Variants in CABS1 observed in about 807,000 individuals in gnomAD.
The protein encoded by CABS1 is calcium-binding and spermatid-specific protein 1.
For synonymous variants in CABS1, 195 were observed against 169.0 expected, an observed-to-expected ratio of 1.15 and a Z score of -1.19; for missense variants, 500 against 464.3, an observed-to-expected ratio of 1.08 and a Z score of -0.71.
Position 70,335,972 on chromosome 4 carries a change from T to C in CABS1, c.933T>C (p.Ser311=), listed in dbSNP as rs1192931684. ...RDTANEAETH[S]VLLTAVESRY... ...CTGCAAATGAAGCAGAGACCCATTC[T>C]GTTTTGCTTACTGCTGTTGAATCCA... The change falls in exon 1 of 2, where the codon TCT becomes TCC. Residue 311 remains serine, a synonymous_variant. Transcript: ENST00000273936. 2 of 1,613,606 alleles carry C rather than the reference T, an allele frequency of 1.2e-6. No homozygotes were observed. Among genetic ancestry groups the C allele is most frequent in the Admixed American group, 1.7e-5 (1 of 59,952 alleles).
rs1560515407 is a variant in CABS1, at chr4:70,335,049, G to A, written c.10G>A (p.Asp4Asn). Residue 4 changes from aspartate (D) to asparagine (N), a missense_variant, in exon 1 of 2, where the codon GAT (aspartate) becomes AAT (asparagine). Coordinates refer to ENST00000273936, the MANE Select transcript of CABS1 (RefSeq NM_033122.4). MAE[D>N]GLPKIYSHPP... ...AGTGCCACTTCGCCCCATGGCTGAAGATGGTTTGCCCAAAATTTATTCTCA... is the reference window on the plus strand; with the variant it reads ...AGTGCCACTTCGCCCCATGGCTGAAAATGGTTTGCCCAAAATTTATTCTCA... 6.2e-7 allele frequency: 1 copy of A among 1,612,370 alleles called. No homozygotes were observed. The highest frequency in any genetic ancestry group is 1.7e-5 in the Admixed American group (1 of 59,800).
chr4:70,335,216 T>C lies in CABS1; in HGVS notation c.177T>C (p.Asp59=), dbSNP rs148379126. 6.2e-7 allele frequency: 1 copy of C among 1,613,562 alleles called. No individual in the cohort carries two copies. The highest frequency in any genetic ancestry group is 8.5e-7 in the Non-Finnish European group (1 of 1,179,836). Residue 59 remains aspartate (D), a synonymous_variant, in exon 1 of 2, where the codon GAT becomes GAC. Transcript: ENST00000273936. The stretch of plus-strand genomic sequence containing the variant: ...TAAATGAATATATGCTAGAAAGCGA[T>C]TTTTCAACAACTACAGACAACAAAC... ...TSVNEYMLES[D]FSTTTDNKLT...
Position 70,335,160 on chromosome 4 carries a change from A to C in CABS1, c.121A>C (p.Ile41Leu). 2 of 1,613,846 alleles carry C rather than the reference A, an allele frequency of 1.2e-6. No homozygotes were observed. The highest frequency in any genetic ancestry group is 8.5e-7 in the Non-Finnish European group (1 of 1,179,846). The change falls in exon 1 of 2, where the codon ATT becomes CTT. Residue 41 changes from isoleucine (I) to leucine (L), a missense_variant. Ile to Leu is a conservative substitution (Grantham distance 5, BLOSUM62 2). Coordinates refer to ENST00000273936, the MANE Select transcript of CABS1 (RefSeq NM_033122.4). Reference sequence around the variant, plus strand: ...TGCTATTCCCAAATCAGAAACAACTATTACTTCAGAAGGAGACCACGTCAC... The same window carrying C: ...TGCTATTCCCAAATCAGAAACAACTCTTACTTCAGAAGGAGACCACGTCAC... ...DNAIPKSETT[I>L]TSEGDHVTSV...
rs751300088 is a variant in CABS1, at chr4:70,335,305, C to G, written c.266C>G (p.Thr89Arg). 2.5e-6 allele frequency: 4 copies of G among 1,613,778 alleles called. No homozygotes were observed. The Admixed American group carries it at 6.7e-5, about 27-fold the overall frequency. ...ATGGGGACCGACTTTATTAAGTCAA[C>G]AACTCACCTACAGAAAGAAATTACC... ...DDMGTDFIKSTTHLQKEITSL... is the reference protein window; with the variant it reads ...DDMGTDFIKSRTHLQKEITSL... The change falls in exon 1 of 2, where the codon ACA becomes AGA. Residue 89 changes from threonine (T) to arginine (R), a missense_variant. Coordinates refer to ENST00000273936, the MANE Select transcript of CABS1 (RefSeq NM_033122.4).
Position 70,335,443 on chromosome 4 carries a change from T to C in CABS1, c.404T>C (p.Phe135Ser), listed in dbSNP as rs1731700060. The change falls in exon 1 of 2, where the codon TTT (phenylalanine) becomes TCT (serine). Residue 135 changes from phenylalanine (F) to serine (S), a missense_variant. Physicochemically the swap from Phe to Ser is radical, Grantham distance 155. Coordinates refer to ENST00000273936, the MANE Select transcript of CABS1 (RefSeq NM_033122.4). ...GTTACTACTGTTTCTTTAATAGATTTTTCCACTGACATAGCAAAAGAAGAT... is the reference window on the plus strand; with the variant it reads ...GTTACTACTGTTTCTTTAATAGATTCTTCCACTGACATAGCAAAAGAAGAT... ...SPVTTVSLID[F>S]STDIAKEDIL... The C allele has an allele frequency of 2.5e-6, 4 of 1,613,622 alleles. No homozygotes were observed. Among genetic ancestry groups the C allele is most frequent in the Non-Finnish European group, 3.4e-6 (4 of 1,179,840 alleles).
intron 1 of CABS1, among the ~76,000 whole-genome samples, chr4:70,336,619 G>T (rs879738052): frequency 6.8e-6 from 1 of 147,300 alleles, no homozygotes; most frequent in East Asian, 1.9e-4. Flanking sequence ...AGGATATGAA[G>T]AGAAGCAAAT....
Position 70,335,573 on chromosome 4 carries a change from C to A in CABS1, c.534C>A (p.Ala178=). Residue 178 remains alanine, a synonymous_variant, in exon 1 of 2, where the codon GCC becomes GCA. Transcript: ENST00000273936. ...GTGCTGGTGTTGCTGACGCTCCTGC[C>A]TTTCCACGTAAAAAGGATGAAGCTG... is the stretch of plus-strand genomic sequence containing the variant. ...DSSAGVADAP[A]FPRKKDEADM... 6.2e-7 allele frequency: 1 copy of A among 1,613,598 alleles called. No individual in the cohort carries two copies. The highest frequency in any genetic ancestry group is 8.5e-7 in the Non-Finnish European group (1 of 1,179,770).
At position 70,336,190 on chromosome 4, in the gene CABS1, A is replaced by G. The variant is rs754706316; in HGVS notation, c.1151A>G (p.Glu384Gly). 6.2e-7 allele frequency: 1 copy of G among 1,612,130 alleles called. No individual in the cohort carries two copies. Among genetic ancestry groups the G allele is most frequent in the East Asian group, 2.2e-5 (1 of 44,828 alleles). Residue 384 changes from glutamate (E) to glycine (G), a missense_variant, in exon 1 of 2, where the codon GAA (glutamate) becomes GGA (glycine). Coordinates refer to ENST00000273936, the MANE Select transcript of CABS1 (RefSeq NM_033122.4). ...TCCACAACTGAAACGGATATCTTTGAACTACTGAAAGAAGAACCCGATGAG... is the reference window on the plus strand; with the variant it reads ...TCCACAACTGAAACGGATATCTTTGGACTACTGAAAGAAGAACCCGATGAG... ...DTSTTETDIF[E>G]LLKEEPDEFM...
intron 1 of CABS1, among the ~76,000 whole-genome samples, chr4:70,336,548 A>G (rs1197181193): frequency 6.6e-6 from 1 of 151,992 alleles, no homozygotes; most frequent in Non-Finnish European, 1.5e-5. Context: ...GCTCATTTCT[A>G]CAACATTTAA....
In CABS1 at chr4:70,336,052, C is replaced by T. The variant is rs779915158; in HGVS notation, c.1013C>T (p.Ser338Phe). 1 of 1,613,398 alleles carries T rather than the reference C, an allele frequency of 6.2e-7. No individual in the cohort carries two copies. The highest frequency in any genetic ancestry group is 8.5e-7 in the Non-Finnish European group (1 of 1,179,604). The part of the protein sequence containing the change: ...SIATNLVEES[S>F]TEEDLSETDN... ...GCTACAAACCTAGTGGAAGAATCAT[C>T]TACAGAAGAAGATTTGTCTGAAACT... Residue 338 changes from serine (S) to phenylalanine (F), a missense_variant, in exon 1 of 2, where the codon TCT (serine) becomes TTT (phenylalanine). Physicochemically the swap from Ser to Phe is radical, Grantham distance 155 (BLOSUM62 -2). Transcript: ENST00000273936.
rs1281906614 is a variant in CABS1 at position 70,335,334 on chromosome 4, C to A, written c.295C>A (p.Leu99Met). 1 of 1,613,740 alleles carries A rather than the reference C, an allele frequency of 6.2e-7. No individual in the cohort carries two copies. The highest frequency in any genetic ancestry group is 2.2e-5 in the East Asian group (1 of 44,838). Reference sequence around the variant, plus strand: ...TCACCTACAGAAAGAAATTACCTCTCTGACTGGCACTACAAACTCCATAAC... The same window carrying A: ...TCACCTACAGAAAGAAATTACCTCTATGACTGGCACTACAAACTCCATAAC... ...TTHLQKEITSLTGTTNSITRD... is the reference protein window; with the variant it reads ...TTHLQKEITSMTGTTNSITRD... Residue 99 changes from leucine (L) to methionine (M), a missense_variant, in exon 1 of 2, where the codon CTG becomes ATG. By Grantham distance (15) the Leu-to-Met change is conservative. Coordinates refer to ENST00000273936, the MANE Select transcript of CABS1 (RefSeq NM_033122.4).
chr4:70,335,556 G>A lies in CABS1; in HGVS notation c.517G>A (p.Val173Ile), dbSNP rs892741213. ...SGTLKDSSAGVADAPAFPRKK... is the reference protein window; with the variant it reads ...SGTLKDSSAGIADAPAFPRKK... ...CACACTAAAGGACAGCAGTGCTGGT[G>A]TTGCTGACGCTCCTGCCTTTCCACG... Residue 173 changes from valine to isoleucine, a missense_variant, in exon 1 of 2, where the codon GTT becomes ATT. By Grantham distance (29) the Val-to-Ile change is conservative. Transcript: ENST00000273936. The A allele has an allele frequency of 1.9e-6, 3 of 1,613,596 alleles. No individual in the cohort carries two copies. Among genetic ancestry groups the A allele is most frequent in the East Asian group, 2.2e-5 (1 of 44,854 alleles).
intron 1 of CABS1, 60 bp downstream of exon 1, chr4:70,336,406 C>T (rs1381787178): frequency 6.0e-6 from 5 of 826,626 alleles, no homozygotes; most frequent in Non-Finnish European, 8.6e-6. Flanking sequence ...AACAGATTTA[C>T]GGAAACTTAG....
Position 70,336,143 on chromosome 4 carries a change from C to T in CABS1, c.1104C>T (p.Thr368=), listed in dbSNP as rs992625940. 3 of 1,612,964 alleles carry T rather than the reference C, an allele frequency of 1.9e-6. No homozygotes were observed. Among genetic ancestry groups the T allele is most frequent in the Middle Eastern group, 1.6e-4 (1 of 6,070 alleles). ...PFSGTTSVLD[T]PDYKEDTSTT... is the part of the protein sequence containing the mutation. ...CTGGAACTACCTCTGTATTAGATAC[C>T]CCAGACTATAAGGAAGACACCTCCA... Residue 368 remains threonine (T), a synonymous_variant, in exon 1 of 2, where the codon ACC becomes ACT. Coordinates refer to ENST00000273936, the MANE Select transcript of CABS1 (RefSeq NM_033122.4).
Position 70,335,978 on chromosome 4 carries a change from G to T in CABS1, c.939G>T (p.Leu313Phe), listed in dbSNP as rs1197036134. The T allele has an allele frequency of 1.2e-6, 2 of 1,613,502 alleles. No homozygotes were observed. The highest frequency in any genetic ancestry group is 1.7e-5 in the Admixed American group (1 of 59,928). ...TANEAETHSV[L>F]LTAVESRYDF... Reference sequence around the variant, plus strand: ...ATGAAGCAGAGACCCATTCTGTTTTGCTTACTGCTGTTGAATCCAGATATG... The same window carrying T: ...ATGAAGCAGAGACCCATTCTGTTTTTCTTACTGCTGTTGAATCCAGATATG... The change falls in exon 1 of 2, where the codon TTG becomes TTT. Residue 313 changes from leucine to phenylalanine, a missense_variant. Transcript: ENST00000273936.
chr4:70,335,007 G>T lies in CABS1; in HGVS notation c.-33G>T. The T allele has an allele frequency of 6.3e-7, 1 of 1,584,602 alleles. No homozygotes were observed. The highest frequency in any genetic ancestry group is 2.2e-5 in the East Asian group (1 of 44,554). On this transcript the variant is annotated 5_prime_UTR_variant, in exon 1 of 2. Coordinates refer to ENST00000273936, the MANE Select transcript of CABS1 (RefSeq NM_033122.4). ...GAGATACCACTGAGTCCAGAAGCAA[G>T]ACCTGTGAGAGTGCACAGTGCCACT... is the stretch of plus-strand genomic sequence containing the variant.
At position 70,335,067 on chromosome 4, in the gene CABS1, T is replaced by A; in HGVS notation, c.28T>A (p.Tyr10Asn). 1.9e-6 allele frequency: 3 copies of A among 1,613,212 alleles called. No individual in the cohort carries two copies. The highest frequency in any genetic ancestry group is 2.5e-6 in the Non-Finnish European group (3 of 1,179,562). The change falls in exon 1 of 2, where the codon TAT becomes AAT. Residue 10 changes from tyrosine to asparagine, a missense_variant. By Grantham distance (143) the Tyr-to-Asn change is moderately radical. Transcript: ENST00000273936. MAEDGLPKI[Y>N]SHPPTESSKT... is the part of the protein sequence containing the mutation. The stretch of plus-strand genomic sequence containing the variant: ...GGCTGAAGATGGTTTGCCCAAAATT[T>A]ATTCTCATCCTCCAACAGAAAGCAG...
At position 70,336,432 on chromosome 4, in the gene CABS1, T is replaced by C. The variant is rs914022713; in HGVS notation, c.*119+86T>C. On this transcript the variant is annotated intron_variant, in intron 1 of 1. Coordinates refer to ENST00000273936, the MANE Select transcript of CABS1 (RefSeq NM_033122.4). ...GGAAACTTAGAAAAAAAAACCGCAG[T>C]GTAAGGGTCCCCCTAGTATCACAAA... is the stretch of plus-strand genomic sequence containing the variant. 9 of 587,644 alleles carry C rather than the reference T, an allele frequency of 1.5e-5. No individual in the cohort carries two copies. The African/African-American group carries it at 1.7e-4, about 11-fold the overall frequency. 36.4% of individuals were successfully genotyped at this position (587,644 alleles called of 1,614,324 possible). A position where few individuals can be genotyped will look rare whatever the true frequency, so the allele number is the denominator to read the frequency against.
chr4:70,336,029 T>C lies in CABS1; in HGVS notation c.990T>C (p.Ala330=), dbSNP rs1297730342. 1 of 1,613,402 alleles carries C rather than the reference T, an allele frequency of 6.2e-7. No homozygotes were observed. The highest frequency in any genetic ancestry group is 2.2e-5 in the East Asian group (1 of 44,860). The change falls in exon 1 of 2, where the codon GCT becomes GCC. Residue 330 remains alanine, a synonymous_variant. Coordinates refer to ENST00000273936, the MANE Select transcript of CABS1 (RefSeq NM_033122.4). The part of the protein sequence containing the change: ...RYDFVVPASI[A]TNLVEESSTE... ...ACTTCGTTGTCCCTGCATCAATAGCTACAAACCTAGTGGAAGAATCATCTA... is the reference window on the plus strand; with the variant it reads ...ACTTCGTTGTCCCTGCATCAATAGCCACAAACCTAGTGGAAGAATCATCTA...
Sources: allele counts gnomAD v4.1 joint callset (sites outside exome capture counted in the v4.1 genomes callset), GRCh38; gene constraint gnomAD v4.1.1; transcripts MANE v1.5; gene names NCBI Gene and HGNC (gene_info 2026-07-23, HGNC 2026-07-21).